The following AGMO variants were observed in gnomAD, a reference collection of about 807,000 sequenced individuals.
The protein encoded by AGMO is glyceryl-ether monooxygenase.
AGMO carries 75 observed loss-of-function variants against 60.2 expected under a neutral mutation model. That is an observed-to-expected ratio of 1.25 (90% CI 1.03 to 1.51). AGMO has a LOEUF of 1.51. Among genes scored for constraint, AGMO ranks in the 40% most tolerant of loss-of-function variants. The pLI is 0.00. For missense variants in AGMO, 763 were observed against 525.5 expected, an observed-to-expected ratio of 1.45 and a Z score of -4.42; for synonymous variants, 261 against 177.1, an observed-to-expected ratio of 1.47 and a Z score of -3.76.
chr7:15,467,633 T>C (rs1290167580), intron 3 of AGMO, among the ~76,000 whole-genome samples: 1 of 152,182 alleles, frequency 6.6e-6, no homozygotes, highest in African/African-American at 2.4e-5. Context: ...ATAATGGTTC[T>C]TCCAGACAAA....
intron 3 of AGMO, among the ~76,000 whole-genome samples, chr7:15,432,147 T>C (rs1211094980): frequency 1.3e-5 from 2 of 151,554 alleles, no homozygotes; most frequent in African/African-American, 4.8e-5. Flanking sequence ...CAGTATAGGT[T>C]AGAAATTAAA....
intron 10 of AGMO, among the ~76,000 whole-genome samples, chr7:15,383,395 G>A (rs769271312): frequency 1.4e-4 from 21 of 151,880 alleles, no homozygotes; most frequent in South Asian, 2.1e-4. Flanking sequence ...TCCACTCTGC[G>A]TTGAATTTCT....
intron 12 of AGMO, among the ~76,000 whole-genome samples, chr7:15,332,280 C>T (rs1781521700): frequency 6.6e-6 from 1 of 152,116 alleles, no homozygotes; most frequent in African/African-American, 2.4e-5. Context: ...GGACTCCCCT[C>T]CCTGTTGTTA....
At chr7:15,372,070 G>T (rs1167300744) in intron 10 of AGMO, among the ~76,000 whole-genome samples, 1 of 152,062 alleles carries the variant, frequency 6.6e-6, no homozygotes, top group East Asian at 1.9e-4. Context: ...GCTTAATTTA[G>T]GGTTCATTTT....
intron 12 of AGMO, among the ~76,000 whole-genome samples, chr7:15,274,381 G>A (rs550410891): frequency 2.0e-4 from 30 of 152,216 alleles, no homozygotes; most frequent in Admixed American, 5.9e-4. Flanking sequence ...ATAATCATGC[G>A]GTTTTTGTCT....
chr7:15,382,406 T>C lies in AGMO; in HGVS notation c.1074+3040A>G, dbSNP rs1399427551. ...CTGAGGGCAAGAATTATACTTGGTA[T>C]AATTTACTCATGGTTAAATTCATGA... On this transcript the variant is annotated intron_variant, in intron 10 of 12. Coordinates refer to ENST00000342526, the MANE Select transcript of AGMO (RefSeq NM_001004320.2). Among the ~76,000 whole-genome samples, 3 of 152,186 alleles carry C rather than the reference T, an allele frequency of 2.0e-5. No homozygotes were observed. In the East Asian group the frequency reaches 5.8e-4, roughly 29 times the overall value.
chr7:15,299,481 T>C (rs1200953939), intron 12 of AGMO, among the ~76,000 whole-genome samples: 1 of 152,112 alleles, frequency 6.6e-6, no homozygotes, highest in Non-Finnish European at 1.5e-5. Context: ...GATATCCATT[T>C]CTCATGCGAG....
chr7:15,230,416 A>C (rs1782225772), intron 12 of AGMO, among the ~76,000 whole-genome samples: 2 of 152,128 alleles, frequency 1.3e-5, no homozygotes, highest in Admixed American at 6.6e-5. Flanking sequence ...AGGCAATTAC[A>C]AAGGCCTGAC....
At chr7:15,449,946 AC>A (rs1243304858) in intron 3 of AGMO, among the ~76,000 whole-genome samples, 3 of 152,164 alleles carry the variant, frequency 2.0e-5, no homozygotes, top group Non-Finnish European at 2.9e-5. Flanking sequence ...TTTTAAGAGC[AC>A]CTGTTTTCAA....
At chr7:15,239,078 AG>A (rs1256658508) in intron 12 of AGMO, among the ~76,000 whole-genome samples, 1 of 152,124 alleles carries the variant, frequency 6.6e-6, no homozygotes, top group Non-Finnish European at 1.5e-5. Flanking sequence ...ACTTAAATTC[AG>A]GAAGTCTGGT....
intron 3 of AGMO, among the ~76,000 whole-genome samples, chr7:15,529,401 G>T (rs1466350598): frequency 6.7e-6 from 1 of 148,150 alleles, no homozygotes; most frequent in Non-Finnish European, 1.5e-5. Flanking sequence ...TATTTAATTT[G>T]GGCTACACAC....
intron 12 of AGMO, among the ~76,000 whole-genome samples, chr7:15,338,159 AT>A (rs1781723071): frequency 1.3e-5 from 2 of 152,306 alleles, no homozygotes; most frequent in Non-Finnish European, 2.9e-5. Flanking sequence ...TTATAATTAA[AT>A]TTTTTAAGTA....
the AGMO span, among the ~76,000 whole-genome samples, chr7:15,136,772 T>C: frequency 2.0e-5 from 3 of 151,972 alleles, no homozygotes; most frequent in Non-Finnish European, 4.4e-5. Flanking sequence ...TGTGCACGCG[T>C]GCGTATTTAA....
intron 12 of AGMO, among the ~76,000 whole-genome samples, chr7:15,255,239 C>T (rs769668143): frequency 7.2e-5 from 11 of 152,000 alleles, no homozygotes; most frequent in Non-Finnish European, 1.6e-4. Context: ...GAAGGGATAA[C>T]ATTAGGAGAA....
intron 5 of AGMO, among the ~76,000 whole-genome samples, chr7:15,405,261 G>A (rs554289203): frequency 6.6e-6 from 1 of 151,944 alleles, no homozygotes; most frequent in Admixed American, 6.6e-5. Flanking sequence ...AACACAATCA[G>A]TGCGTTCATT....
chr7:15,487,697 T>C (rs1782957600), intron 3 of AGMO, among the ~76,000 whole-genome samples: 1 of 152,168 alleles, frequency 6.6e-6, no homozygotes, highest in African/African-American at 2.4e-5. Flanking sequence ...TCCCATCTTT[T>C]GCTTTACAAT....
chr7:15,312,642 A>G (rs1435069518), intron 12 of AGMO, among the ~76,000 whole-genome samples: 1 of 152,068 alleles, frequency 6.6e-6, no homozygotes, highest in Non-Finnish European at 1.5e-5. Flanking sequence ...AAGACAAACA[A>G]AAACTGAAGA....
chr7:15,407,228 A>AATAGATATATATAT (rs1332532741), intron 5 of AGMO, among the ~76,000 whole-genome samples: 38 of 72,434 alleles, frequency 5.2e-4, no homozygotes, highest in African/African-American at 1.6e-3. Flanking sequence ...CTTTCTTTGG[A>AATAGATATATATAT]ATACATATAT....
chr7:15,321,068 TG>T (rs1781093917), intron 12 of AGMO, among the ~76,000 whole-genome samples: 2 of 152,180 alleles, frequency 1.3e-5, no homozygotes, highest in Non-Finnish European at 2.9e-5. Context: ...ACAATATTTT[TG>T]TTTGTTTTGC....
Sources: allele counts gnomAD v4.1 joint callset (sites outside exome capture counted in the v4.1 genomes callset), GRCh38; gene constraint gnomAD v4.1.1; transcripts MANE v1.5; gene names NCBI Gene and HGNC (gene_info 2026-07-23, HGNC 2026-07-21).